Variants in ADK observed in about 807,000 individuals in gnomAD.
The protein encoded by ADK is adenosine kinase.
In ADK, 24 loss-of-function variants were observed where a neutral mutation model predicts 44.7. The ratio of observed to expected loss-of-function variants is 0.54; its 90% confidence interval spans 0.39 to 0.76. The LOEUF (loss-of-function observed/expected upper bound fraction) is 0.76, where lower values mean the gene tolerates loss of function less well. ADK is among the 30% of genes least tolerant of loss of function. The pLI, the probability that ADK is intolerant of heterozygous loss-of-function variation, is 0.00. For synonymous variants in ADK, 128 were observed against 142.6 expected, an observed-to-expected ratio of 0.90 and a Z score of 0.73; for missense variants, 321 against 425.1, an observed-to-expected ratio of 0.76 and a Z score of 2.15.
intron 9 of ADK, among the ~76,000 whole-genome samples, chr10:74,639,862 C>CA (rs777708338): frequency 2.6e-5 from 4 of 151,910 alleles, no homozygotes; most frequent in East Asian, 2.0e-4. Context: ...CATCTCAAAA[C>CA]AAAAAACAAA....
intron 4 of ADK, among the ~76,000 whole-genome samples, chr10:74,382,129 A>T (rs1014572976): frequency 6.6e-6 from 1 of 151,848 alleles, no homozygotes; most frequent in Non-Finnish European, 1.5e-5. Flanking sequence ...ACATGGTCTC[A>T]CTCTGTCACT....
chr10:74,280,603 A>G (rs545638687), intron 3 of ADK, among the ~76,000 whole-genome samples: 1 of 152,200 alleles, frequency 6.6e-6, no homozygotes, highest in East Asian at 1.9e-4. Context: ...CATCACTTCT[A>G]TTTGTAGAGA....
intron 4 of ADK, among the ~76,000 whole-genome samples, chr10:74,354,844 T>C (rs1333065548): frequency 6.6e-6 from 1 of 152,246 alleles, no homozygotes; most frequent in Non-Finnish European, 1.5e-5. Flanking sequence ...TTAGCACTTA[T>C]ATTAAATTTG....
chr10:74,414,462 G>C (rs957093376), intron 6 of ADK, among the ~76,000 whole-genome samples: 1 of 152,182 alleles, frequency 6.6e-6, no homozygotes, highest in African/African-American at 2.4e-5. Context: ...TAGGCTGGAC[G>C]TGGTGGCTCA....
intron 6 of ADK, among the ~76,000 whole-genome samples, chr10:74,436,176 G>A (rs1183113029): frequency 6.6e-6 from 1 of 152,146 alleles, no homozygotes; most frequent in African/African-American, 2.4e-5. Context: ...AGCTCTATTG[G>A]AGTGAGTAAG....
At position 74,215,684 on chromosome 10, in the gene ADK, A is replaced by G. The variant is rs1176100813; in HGVS notation, c.141-8854A>G. The stretch of plus-strand genomic sequence containing the variant: ...ATCACTCTTTTTTTTTTTTTTTTTT[A>G]AGACAGAGTCTTGCTCTGTCACCCA... On this transcript the variant is annotated intron_variant, in intron 2 of 10. Coordinates refer to ENST00000539909, the MANE Select transcript of ADK (RefSeq NM_006721.4). Among the ~76,000 whole-genome samples, 14 of 69,350 alleles carry G rather than the reference A, an allele frequency of 2.0e-4. No individual in the cohort carries two copies. In the East Asian group the frequency reaches 2.7e-3, roughly 13 times the overall value. 45.5% of individuals were successfully genotyped at this position (69,350 alleles called of 152,430 possible).
intron 9 of ADK, among the ~76,000 whole-genome samples, chr10:74,645,168 C>T (rs1016761866): frequency 6.6e-6 from 1 of 152,148 alleles, no homozygotes; most frequent in Non-Finnish European, 1.5e-5. Flanking sequence ...CCCCCTGCCC[C>T]AAGGCAAATG....
chr10:74,234,557 T>A (rs1844891416), intron 3 of ADK, among the ~76,000 whole-genome samples: 2 of 152,222 alleles, frequency 1.3e-5, no homozygotes, highest in African/African-American at 4.8e-5. Flanking sequence ...ATGGAAATTA[T>A]ATTTTATAAG....
intron 7 of ADK, among the ~76,000 whole-genome samples, chr10:74,577,787 T>G (rs984564460): frequency 6.6e-6 from 1 of 152,212 alleles, no homozygotes; most frequent in African/African-American, 2.4e-5. Flanking sequence ...CCTTTTGTGA[T>G]ATGTTCTAGT....
chr10:74,331,105 A>C (rs948565724), intron 4 of ADK, among the ~76,000 whole-genome samples: 6 of 152,164 alleles, frequency 3.9e-5, no homozygotes, highest in Admixed American at 1.3e-4. Flanking sequence ...AATTTATGCC[A>C]AAAATTATGC....
intron 3 of ADK, among the ~76,000 whole-genome samples, chr10:74,266,325 G>T (rs1015460771): frequency 1.3e-5 from 2 of 152,138 alleles, no homozygotes; most frequent in Non-Finnish European, 2.9e-5. Flanking sequence ...TTGGGAGGCC[G>T]AGGTGGGTGG....
intron 3 of ADK, among the ~76,000 whole-genome samples, chr10:74,293,570 C>T (rs1839702589): frequency 6.6e-6 from 1 of 151,946 alleles, no homozygotes; most frequent in African/African-American, 2.4e-5. Flanking sequence ...CCTTGGGGTA[C>T]TATATAGAGC....
chr10:74,550,828 A>G (rs528341033), intron 7 of ADK, among the ~76,000 whole-genome samples: 2 of 152,306 alleles, frequency 1.3e-5, no homozygotes, highest in African/African-American at 4.8e-5. Flanking sequence ...TATAATATCT[A>G]TAATCATATG....
chr10:74,370,866 AC>A (rs1281076506), intron 4 of ADK, among the ~76,000 whole-genome samples: 1 of 152,078 alleles, frequency 6.6e-6, no homozygotes, highest in African/African-American at 2.4e-5. Flanking sequence ...GAGCCACTGC[AC>A]CCAGGCTAGG....
intron 7 of ADK, among the ~76,000 whole-genome samples, chr10:74,566,479 T>C (rs889280710): frequency 6.6e-6 from 1 of 152,126 alleles, no homozygotes; most frequent in East Asian, 1.9e-4. Flanking sequence ...TGGGATTACA[T>C]GCGTGAGCCA....
Position 74,465,666 on chromosome 10 carries a change from T to C in ADK, c.556-59590T>C, listed in dbSNP as rs183141243. 3.3e-3 allele frequency among the ~76,000 whole-genome samples: 507 copies of C among 151,532 alleles called. 3 individuals are homozygous for C. The highest frequency in any genetic ancestry group is 0.011 in the African/African-American group (446 of 40,900). ...AGATACAATCAGGCTCTGGATATAGTGTGTAGGTAGATTTAATAGAAATTG... is the reference window on the plus strand; with the variant it reads ...AGATACAATCAGGCTCTGGATATAGCGTGTAGGTAGATTTAATAGAAATTG... On this transcript the variant is annotated intron_variant, in intron 6 of 10. Transcript: ENST00000539909.
At chr10:74,356,003 T>TA (rs1554847170) in intron 4 of ADK, among the ~76,000 whole-genome samples, 469 of 30,642 alleles carry the variant, frequency 0.015, 56 homozygotes, top group African/African-American at 0.029. Context: ...AAATAATTCA[T>TA]TTTTTTTTTT....
intron 6 of ADK, among the ~76,000 whole-genome samples, chr10:74,406,872 G>C (rs1843956424): frequency 6.6e-6 from 1 of 151,644 alleles, no homozygotes; most frequent in African/African-American, 2.4e-5. Context: ...GTAGAGGTGG[G>C]TTTTCACCAT....
chr10:74,556,385 A>G (rs998624845), intron 7 of ADK, among the ~76,000 whole-genome samples: 3 of 152,208 alleles, frequency 2.0e-5, no homozygotes, highest in Non-Finnish European at 2.9e-5. Context: ...ATAGCTTATC[A>G]TTGATTTAGA....
Sources: allele counts gnomAD v4.1 joint callset (sites outside exome capture counted in the v4.1 genomes callset), GRCh38; gene constraint gnomAD v4.1.1; transcripts MANE v1.5; gene names NCBI Gene and HGNC (gene_info 2026-07-23, HGNC 2026-07-21).